SETD5: variants seen among roughly 807,000 people sequenced by gnomAD.
SETD5 encodes histone-lysine N-methyltransferase SETD5.
Under a neutral mutation model 153.3 loss-of-function variants are expected in SETD5, and 44 were observed. The ratio of observed to expected loss-of-function variants is 0.29; its 90% CI spans 0.23 to 0.37. SETD5 has a LOEUF of 0.37. Ranked by LOEUF, SETD5 falls within the 10% of genes least tolerant of loss-of-function variation. SETD5 has a pLI of 1.00. For missense variants in SETD5, 1,544 were observed against 1,768.0 expected, an observed-to-expected ratio of 0.87 and a Z score of 2.27; for synonymous variants, 716 against 645.2, an observed-to-expected ratio of 1.11 and a Z score of -1.66.
chr3:9,445,962 GTTGTTTTT>G (rs1208684737), intron 13 of SETD5, among the ~76,000 whole-genome samples: 3 of 120,248 alleles, frequency 2.5e-5, no homozygotes, highest in Admixed American at 8.8e-5. Flanking sequence ...GTTTGAAGAG[GTTGTTTTT>G]TTTTTTTTTT....
At chr3:9,459,007 C>T (rs2043594820) in intron 17 of SETD5, among the ~76,000 whole-genome samples, 1 of 152,066 alleles carries the variant, frequency 6.6e-6, no homozygotes, top group Admixed American at 6.6e-5. Flanking sequence ...TTGTTTATTC[C>T]TGTAGCCTAA....
chr3:9,410,930 G>A (rs550009332), intron 1 of SETD5, among the ~76,000 whole-genome samples: 3 of 145,926 alleles, frequency 2.1e-5, no homozygotes, highest in East Asian at 4.0e-4. Context: ...GCTCTGTTTC[G>A]CAGGCTGGAG....
intron 13 of SETD5, 120 bp from the exon 14 acceptor site, chr3:9,446,930 G>T: frequency 1.5e-6 from 1 of 651,710 alleles, no homozygotes; most frequent in Non-Finnish European, 2.6e-6. Context: ...CAAGTTATAT[G>T]TGTCATCTTA....
chr3:9,399,644 A>G (rs547446449), intron 1 of SETD5, among the ~76,000 whole-genome samples: 1 of 152,300 alleles, frequency 6.6e-6, no homozygotes, highest in Non-Finnish European at 1.5e-5. Context: ...TGCTTGGGAA[A>G]TTGGCTTTCA....
At chr3:9,453,708 T>C (rs1435784466) in intron 16 of SETD5, 31 bp from the exon 17 acceptor site, 2 of 1,558,586 alleles carry the variant, frequency 1.3e-6, no homozygotes, top group Middle Eastern at 1.7e-4. Flanking sequence ...TAGATAATTA[T>C]TGATAATTCT....
chr3:9,416,082 G>A (rs1486234184), intron 1 of SETD5, among the ~76,000 whole-genome samples: 1 of 152,006 alleles, frequency 6.6e-6, no homozygotes, highest in Non-Finnish European at 1.5e-5. Context: ...AATCTTCCAC[G>A]TGCATCCAAA....
intron 2 of SETD5, among the ~76,000 whole-genome samples, chr3:9,426,436 G>T (rs1489318114): frequency 2.0e-5 from 3 of 148,848 alleles, no homozygotes; most frequent in Admixed American, 2.0e-4. Context: ...TCACTCTGTC[G>T]CCCAAGCTGG....
chr3:9,460,958 G>A (rs1030529631), intron 17 of SETD5, among the ~76,000 whole-genome samples: 1 of 152,146 alleles, frequency 6.6e-6, no homozygotes, highest in East Asian at 1.9e-4. Context: ...AGAAAATAAA[G>A]TGATCCGTTT....
At chr3:9,433,087 A>G (rs1459926308) in intron 3 of SETD5, among the ~76,000 whole-genome samples, 2 of 152,200 alleles carry the variant, frequency 1.3e-5, no homozygotes, top group Non-Finnish European at 2.9e-5. Flanking sequence ...AAATGAATTA[A>G]TATGTATTTA....
At chr3:9,446,985 T>G in intron 13 of SETD5, 65 bp from the exon 14 acceptor site, 1 of 1,180,756 alleles carries the variant, frequency 8.5e-7, no homozygotes, top group Non-Finnish European at 1.2e-6. Flanking sequence ...AAAAATACTT[T>G]TATAAAAGCT....
intron 2 of SETD5, among the ~76,000 whole-genome samples, chr3:9,428,409 A>G (rs1397453061): frequency 6.6e-6 from 1 of 152,238 alleles, no homozygotes; most frequent in Non-Finnish European, 1.5e-5. Flanking sequence ...GGCCTAGGAA[A>G]AAAACTTAAA....
At chr3:9,436,720 A>T (rs750888958) in intron 7 of SETD5, 2 of 739,198 alleles carry the variant, frequency 2.7e-6, no homozygotes, top group African/African-American at 1.8e-5. Context: ...ATTCCATTGT[A>T]TTTTTTACCT....
Position 9,415,004 on chromosome 3 carries a change from C to T in SETD5, c.-176-9463C>T, listed in dbSNP as rs2037198030. 2.0e-5 allele frequency among the ~76,000 whole-genome samples: 3 copies of T among 152,150 alleles called. No homozygotes were observed. The South Asian group carries it at 6.2e-4, about 31-fold the overall frequency. On this transcript the variant is annotated intron_variant, in intron 1 of 22. Coordinates refer to ENST00000402198, the MANE Select transcript of SETD5 (RefSeq NM_001080517.3). Reference sequence around the variant, plus strand: ...CTGAGATAGTCTGTGTTTTGCTTCACTCTGTTTAGTGCTAGAATTCTGGAC... The same window carrying T: ...CTGAGATAGTCTGTGTTTTGCTTCATTCTGTTTAGTGCTAGAATTCTGGAC...
chr3:9,470,451 T>C lies in SETD5; in HGVS notation c.2725-8T>C. The C allele has an allele frequency of 6.2e-7, 1 of 1,603,924 alleles. No homozygotes were observed. The highest frequency in any genetic ancestry group is 8.5e-7 in the Non-Finnish European group (1 of 1,172,930). Reference sequence around the variant, plus strand: ...ACCCCATGTCTCCGTTGATTTTTATTCTTTCAGCTTTGTCACCGAAAAGAC... The same window carrying C: ...ACCCCATGTCTCCGTTGATTTTTATCCTTTCAGCTTTGTCACCGAAAAGAC... On this transcript the variant is annotated splice_region_variant and splice_polypyrimidine_tract_variant and intron_variant, in intron 18 of 22. Coordinates refer to ENST00000402198, the MANE Select transcript of SETD5 (RefSeq NM_001080517.3).
chr3:9,411,081 G>T (rs1298537660), intron 1 of SETD5, among the ~76,000 whole-genome samples: 1 of 151,922 alleles, frequency 6.6e-6, no homozygotes, highest in Middle Eastern at 3.4e-3. Context: ...TAGAGACAGG[G>T]TTTCACCTTG....
intron 3 of SETD5, chr3:9,433,338 G>A: frequency 7.8e-7 from 1 of 1,274,464 alleles, no homozygotes; most frequent in South Asian, 1.2e-5. Flanking sequence ...ATAAATATAA[G>A]ATGCCATTGT....
In SETD5 at chr3:9,475,479, C is replaced by G. The variant is rs1294681008; in HGVS notation, c.3721-4C>G. On this transcript the variant is annotated splice_region_variant and splice_polypyrimidine_tract_variant and intron_variant, in intron 22 of 22. Transcript: ENST00000402198. ...CTTATTCGTTTCCTCCCAACTTTGT[C>G]TAGCTCCTGCAGTGTGATAGTCCTC... 6.2e-7 allele frequency: 1 copy of G among 1,602,366 alleles called. No individual in the cohort carries two copies. The highest frequency in any genetic ancestry group is 1.3e-5 in the African/African-American group (1 of 74,606).
intron 1 of SETD5, among the ~76,000 whole-genome samples, chr3:9,404,852 C>T (rs921918539): frequency 1.3e-5 from 2 of 152,190 alleles, no homozygotes; most frequent in Non-Finnish European, 2.9e-5. Context: ...CAGCTAATCT[C>T]ATTTTCACCA....
At chr3:9,445,003 T>A in intron 11 of SETD5, 45 bp from the exon 12 acceptor site, 1 of 1,586,858 alleles carries the variant, frequency 6.3e-7, no homozygotes, top group Non-Finnish European at 8.6e-7. Flanking sequence ...GTAACTGAAT[T>A]TCAAGGGTAC....
Sources: allele counts gnomAD v4.1 joint callset (sites outside exome capture counted in the v4.1 genomes callset), GRCh38; gene constraint gnomAD v4.1.1; transcripts MANE v1.5; gene names NCBI Gene and HGNC (gene_info 2026-07-23, HGNC 2026-07-21).